The following SDCCAG8 variants were observed in gnomAD, a reference collection of about 807,000 sequenced individuals.
SDCCAG8 encodes serologically defined colon cancer antigen 8.
SDCCAG8 carries 74 observed loss-of-function variants against 101.8 expected under a neutral mutation model. The observed-to-expected ratio is 0.73, with a 90% confidence interval of 0.60 to 0.88. SDCCAG8 has a LOEUF of 0.88. Ranked by LOEUF, SDCCAG8 falls within the 40% of genes least tolerant of loss-of-function variation. SDCCAG8 has a pLI of 0.00. For missense variants in SDCCAG8, 787 were observed against 822.6 expected (o/e 0.96, Z 0.53); for synonymous variants, 281 against 292.9 (o/e 0.96, Z 0.41).
chr1:243,341,072 G>A lies in SDCCAG8; in HGVS notation c.1255G>A (p.Glu419Lys). Residue 419 changes from glutamate (E) to lysine (K), a missense_variant, in exon 11 of 18, where the codon GAG (glutamate) becomes AAG (lysine). Physicochemically the swap from Glu to Lys is moderately conservative, Grantham distance 56 (BLOSUM62 1). Coordinates refer to ENST00000366541, the MANE Select transcript of SDCCAG8 (RefSeq NM_006642.5). Reference sequence around the variant, plus strand: ...CTTGTCTCAGAATATTGCCCAACTGGAGGCCCAGGTGGAAAAGGTTACAAA... The same window carrying A: ...CTTGTCTCAGAATATTGCCCAACTGAAGGCCCAGGTGGAAAAGGTTACAAA... ...LILSQNIAQL[E>K]AQVEKVTKEK... 6.2e-7 allele frequency: 1 copy of A among 1,613,932 alleles called. No individual in the cohort carries two copies. The highest frequency in any genetic ancestry group is 8.5e-7 in the Non-Finnish European group (1 of 1,179,790).
At chr1:243,328,116 A>T (rs974707433) in intron 9 of SDCCAG8, among the ~76,000 whole-genome samples, 2 of 151,982 alleles carry the variant, frequency 1.3e-5, no homozygotes, top group African/African-American at 2.4e-5. Context: ...GTTAGCCAGG[A>T]TGGTCTCGAT....
intron 12 of SDCCAG8, among the ~76,000 whole-genome samples, chr1:243,378,319 T>C (rs1001093589): frequency 1.3e-5 from 2 of 152,138 alleles, no homozygotes; most frequent in African/African-American, 4.8e-5. Flanking sequence ...GCCATAAATT[T>C]ATCTTTTAGA....
rs116300407 is a variant in SDCCAG8, at chr1:243,426,634, C to T, written c.1985+76C>T. ...TTTACACACTGAAGGGGAATTGCTG[C>T]GGAATAAGTAGAATTCATCATCATT... On this transcript the variant is annotated intron_variant, in intron 16 of 17. Transcript: ENST00000366541. The T allele has an allele frequency of 2.5e-3, 3,908 of 1,549,092 alleles. 84 individuals carry two copies. In the African/African-American group the frequency reaches 0.044, roughly 17 times the overall value.
chr1:243,426,461 T>C lies in SDCCAG8; in HGVS notation c.1888T>C (p.Tyr630His), dbSNP rs138187640. ...AGCTCAACTCAGTCAAGAAAAAAGG[T>C]ATACATATGATAAATTGGGAAAGTT... ...EIAQLSQEKR[Y>H]TYDKLGKLQR... Residue 630 changes from tyrosine to histidine, a missense_variant, in exon 16 of 18, where the codon TAT (tyrosine) becomes CAT (histidine). Transcript: ENST00000366541. 57 of 1,613,620 alleles carry C rather than the reference T, an allele frequency of 3.5e-5. No individual in the cohort carries two copies. The highest frequency in any genetic ancestry group is 4.6e-5 in the Non-Finnish European group (54 of 1,179,756).
intron 6 of SDCCAG8, among the ~76,000 whole-genome samples, chr1:243,296,513 C>G (rs915182947): frequency 1.4e-5 from 2 of 144,384 alleles, no homozygotes; most frequent in African/African-American, 5.1e-5. Context: ...GCTTCGTCCC[C>G]CTGTAGTCCA....
chr1:243,476,445 C>G, intron 16 of SDCCAG8: 1 of 812,810 alleles, frequency 1.2e-6, no homozygotes, highest in Non-Finnish European at 1.5e-6. Flanking sequence ...GCTAGTTTGA[C>G]TATCCCAAGA....
chr1:243,341,522 G>A (rs1558322155), intron 11 of SDCCAG8, among the ~76,000 whole-genome samples: 1 of 152,164 alleles, frequency 6.6e-6, no homozygotes, highest in Non-Finnish European at 1.5e-5. Context: ...AATTAAGAGT[G>A]CTTTGTTTTT....
rs528797062 is a variant in SDCCAG8 at position 243,458,009 on chromosome 1, T to C, written c.1986-31005T>C. Among the ~76,000 whole-genome samples, 8 of 152,242 alleles carry C rather than the reference T, an allele frequency of 5.3e-5. No individual in the cohort carries two copies. In the South Asian group the frequency reaches 1.7e-3, roughly 32 times the overall value. Reference sequence around the variant, plus strand: ...CTGGCAGAAATATAATTGTCAGGTGTGCTGGTATGGATAGAGGTCCTGCAG... The same window carrying C: ...CTGGCAGAAATATAATTGTCAGGTGCGCTGGTATGGATAGAGGTCCTGCAG... On this transcript the variant is annotated intron_variant, in intron 16 of 17. Transcript: ENST00000366541. The surrounding 1 kb of genome is among the most constrained non-coding windows in gnomAD (Gnocchi z 4.5).
At chr1:243,276,622 C>T (rs552791980) in intron 4 of SDCCAG8, among the ~76,000 whole-genome samples, 128 of 152,266 alleles carry the variant, frequency 8.4e-4, no homozygotes, top group South Asian at 1.4e-3. Flanking sequence ...TTTGTTACAA[C>T]TGATGAACCA....
intron 13 of SDCCAG8, among the ~76,000 whole-genome samples, chr1:243,386,184 G>A (rs1357406307): frequency 6.6e-6 from 1 of 152,160 alleles, no homozygotes; most frequent in Non-Finnish European, 1.5e-5. Flanking sequence ...GTAATTTACA[G>A]CTGAGGCAAC....
intron 16 of SDCCAG8, among the ~76,000 whole-genome samples, chr1:243,463,407 G>T (rs1178461709): frequency 1.3e-5 from 2 of 152,114 alleles, no homozygotes; most frequent in Non-Finnish European, 2.9e-5. Flanking sequence ...TTAGACTTAA[G>T]ACCCAAAATG....
At chr1:243,487,236 TC>T (rs902772054) in intron 16 of SDCCAG8, among the ~76,000 whole-genome samples, 5 of 152,064 alleles carry the variant, frequency 3.3e-5, no homozygotes, top group African/African-American at 1.2e-4. Flanking sequence ...TCCTCCTCTC[TC>T]CCGGCCGCTC....
intron 16 of SDCCAG8, among the ~76,000 whole-genome samples, chr1:243,445,160 G>A (rs1243137821): frequency 2.0e-5 from 3 of 151,998 alleles, no homozygotes; most frequent in South Asian, 2.1e-4. Context: ...AAATTTTTAA[G>A]GAGCTCTGCC....
intron 16 of SDCCAG8, chr1:243,476,305 C>T (rs928886955): frequency 1.6e-5 from 16 of 985,312 alleles, no homozygotes; most frequent in African/African-American, 8.7e-5. Context: ...CCGTAGCGGA[C>T]GGCCAGGAGT....
intron 12 of SDCCAG8, chr1:243,346,143 C>T (rs2075691940): frequency 6.5e-6 from 1 of 154,300 alleles, no homozygotes; most frequent in Middle Eastern, 5.2e-4. Context: ...GAAAAGAAGT[C>T]GTGGTGTCTC....
chr1:243,308,080 C>G lies in SDCCAG8; in HGVS notation c.832C>G (p.Arg278Gly). ...TCTTCTGGCTGCTAATACTTGTAAC[C>G]GTGTTGGTGGTCTTTGTTTGAAATG... The part of the protein sequence containing the change: ...EFLLAANTCN[R>G]VGGLCLKCAQ... The change falls in exon 8 of 18, where the codon CGT (arginine) becomes GGT (glycine). Residue 278 changes from arginine to glycine, a missense_variant. Transcript: ENST00000366541. 6.2e-7 allele frequency: 1 copy of G among 1,614,126 alleles called. No homozygotes were observed. The highest frequency in any genetic ancestry group is 1.1e-5 in the South Asian group (1 of 91,082).
intron 13 of SDCCAG8, among the ~76,000 whole-genome samples, chr1:243,405,742 A>T (rs972193682): frequency 6.6e-6 from 1 of 152,248 alleles, no homozygotes; most frequent in Non-Finnish European, 1.5e-5. Flanking sequence ...CATATTCTCA[A>T]CATTCTAGAT....
intron 4 of SDCCAG8, among the ~76,000 whole-genome samples, chr1:243,274,926 TC>T (rs1205940433): frequency 6.6e-6 from 1 of 152,192 alleles, no homozygotes; most frequent in Non-Finnish European, 1.5e-5. Context: ...TCAGAAGTTT[TC>T]CTTCTCACCC....
intron 15 of SDCCAG8, among the ~76,000 whole-genome samples, chr1:243,425,452 A>G (rs911833307): frequency 1.3e-5 from 2 of 152,142 alleles, no homozygotes; most frequent in African/African-American, 4.8e-5. Context: ...TCCCTTAGCA[A>G]ATCCAAATCC....
Sources: gnomAD v4.1 joint callset for allele counts (sites outside exome capture counted in the v4.1 genomes callset) on GRCh38, gnomAD v4.1.1 for gene constraint, Gnocchi (gnomAD v3.1) non-coding constraint, MANE v1.5 for transcripts, NCBI Gene and HGNC (gene_info 2026-07-23, HGNC 2026-07-21) for gene names.